Variants in CTNNA3 observed in about 807,000 individuals in gnomAD.
CTNNA3 encodes the protein catenin alpha 3.
Under a neutral mutation model 95.7 loss-of-function variants are expected in CTNNA3, and 76 were observed. That is an observed-to-expected ratio of 0.79 (90% CI 0.66 to 0.96). The LOEUF (loss-of-function observed/expected upper bound fraction) is 0.96, where lower values mean the gene tolerates loss of function less well. Among genes scored for constraint, CTNNA3 ranks in the 40% least tolerant of loss-of-function variants. The pLI, the probability that CTNNA3 is intolerant of heterozygous loss-of-function variation, is 0.00. For synonymous variants in CTNNA3, 431 were observed against 374.4 expected (o/e 1.15, Z -1.74); for missense variants, 1,191 against 1,089.8 (o/e 1.09, Z -1.31).
chr10:67,230,644 A>G (rs1865147621), intron 5 of CTNNA3, among the ~76,000 whole-genome samples: 1 of 152,220 alleles, frequency 6.6e-6, no homozygotes, highest in Admixed American at 6.5e-5. Context: ...ATGAATAGAC[A>G]ATGCTCAAAA....
intron 12 of CTNNA3, among the ~76,000 whole-genome samples, chr10:66,333,236 T>A (rs1352499061): frequency 6.6e-6 from 1 of 152,130 alleles, no homozygotes; most frequent in Non-Finnish European, 1.5e-5. Flanking sequence ...ACTTCAGTTC[T>A]GCTCTGATCT....
At chr10:66,360,763 CCTTCCT>C (rs2092659368) in intron 12 of CTNNA3, among the ~76,000 whole-genome samples, 2 of 94,086 alleles carry the variant, frequency 2.1e-5, no homozygotes, top group Non-Finnish European at 2.1e-5. Flanking sequence ...TTCCTTCCTT[CCTTCCT>C]TTTCTTTCTT....
At chr10:66,012,941 C>G (rs2079032203) in intron 15 of CTNNA3, among the ~76,000 whole-genome samples, 1 of 152,158 alleles carries the variant, frequency 6.6e-6, no homozygotes, top group Non-Finnish European at 1.5e-5. Flanking sequence ...GCTCTTGTCA[C>G]CCAGGCTGGA....
intron 5 of CTNNA3, among the ~76,000 whole-genome samples, chr10:67,399,938 C>T (rs1040443968): frequency 4.3e-4 from 65 of 152,014 alleles, no homozygotes; most frequent in African/African-American, 1.5e-3. Flanking sequence ...TTTTATTATA[C>T]TTTAAGTTTT....
intron 1 of CTNNA3, among the ~76,000 whole-genome samples, chr10:67,733,856 G>A (rs567097092): frequency 3.3e-5 from 5 of 152,252 alleles, no homozygotes; most frequent in Non-Finnish European, 7.4e-5. Context: ...GTGGCTTTAA[G>A]AGATTAAAAA....
At chr10:67,667,852 T>C (rs1012992416) in intron 1 of CTNNA3, among the ~76,000 whole-genome samples, 6 of 152,316 alleles carry the variant, frequency 3.9e-5, no homozygotes, top group Non-Finnish European at 7.4e-5. Context: ...ACAGATACAT[T>C]CGCTGTAATA....
At chr10:67,152,867 A>G (rs12255870) in intron 7 of CTNNA3, among the ~76,000 whole-genome samples, 96,137 of 152,008 alleles carry the variant, frequency 0.63, 31,608 homozygotes, top group African/African-American at 0.82. Context: ...CTTATATGAG[A>G]AAGAGAATGA....
At chr10:67,546,174 C>G (rs1432147551) in intron 3 of CTNNA3, among the ~76,000 whole-genome samples, 1 of 151,964 alleles carries the variant, frequency 6.6e-6, no homozygotes, top group Non-Finnish European at 1.5e-5. Context: ...CACTTTGTCA[C>G]CTAGGCTGGA....
chr10:66,589,225 G>C (rs1843465260), intron 10 of CTNNA3, among the ~76,000 whole-genome samples: 1 of 151,828 alleles, frequency 6.6e-6, no homozygotes, highest in African/African-American at 2.4e-5. Context: ...ATCACATCCA[G>C]AGAGAGGGGG....
chr10:66,540,839 T>C (rs980821186), intron 10 of CTNNA3, among the ~76,000 whole-genome samples: 5 of 152,234 alleles, frequency 3.3e-5, no homozygotes, highest in African/African-American at 9.6e-5. Flanking sequence ...TTACAGAGCT[T>C]TCAAGACTGT....
chr10:67,058,341 T>C (rs1855562742), intron 7 of CTNNA3, among the ~76,000 whole-genome samples: 1 of 152,216 alleles, frequency 6.6e-6, no homozygotes, highest in African/African-American at 2.4e-5. Flanking sequence ...TAACATATTG[T>C]TTTATGTATT....
chr10:67,265,920 G>A (rs1184165400), intron 5 of CTNNA3, among the ~76,000 whole-genome samples: 2 of 152,020 alleles, frequency 1.3e-5, no homozygotes, highest in African/African-American at 4.8e-5. Flanking sequence ...TAACACCCCG[G>A]AGATTCCAAA....
chr10:66,667,512 T>C (rs1564606230), intron 9 of CTNNA3, among the ~76,000 whole-genome samples: 1 of 152,296 alleles, frequency 6.6e-6, no homozygotes, highest in Non-Finnish European at 1.5e-5. Flanking sequence ...TTACTAACTG[T>C]ACATTTCCTT....
intron 13 of CTNNA3, among the ~76,000 whole-genome samples, chr10:66,163,319 A>G (rs1354100846): frequency 6.6e-6 from 1 of 150,998 alleles, no homozygotes; most frequent in African/African-American, 2.4e-5. Flanking sequence ...CCACCCTCCC[A>G]ATGGATCTCT....
chr10:66,816,566 A>C (rs1468789005), intron 7 of CTNNA3, among the ~76,000 whole-genome samples: 1 of 152,142 alleles, frequency 6.6e-6, no homozygotes, highest in East Asian at 1.9e-4. Flanking sequence ...TAGAAATTTC[A>C]ACAATACCAG....
intron 7 of CTNNA3, among the ~76,000 whole-genome samples, chr10:66,779,030 C>T (rs1391530838): frequency 6.6e-6 from 1 of 151,882 alleles, no homozygotes; most frequent in Non-Finnish European, 1.5e-5. Context: ...AAATAGACAA[C>T]CAAAAAATCC....
At chr10:66,710,540 C>A (rs1245126576) in intron 9 of CTNNA3, among the ~76,000 whole-genome samples, 1 of 151,568 alleles carries the variant, frequency 6.6e-6, no homozygotes, top group African/African-American at 2.4e-5. Flanking sequence ...ATTTCATTAT[C>A]TTTGTGATAA....
chr10:67,373,447 C>G (rs1033646392), intron 5 of CTNNA3, among the ~76,000 whole-genome samples: 5 of 152,068 alleles, frequency 3.3e-5, no homozygotes, highest in African/African-American at 9.7e-5. Context: ...TATATGCACC[C>G]AATACAGGAG....
chr10:66,496,605 T>A (rs1245260313), intron 11 of CTNNA3, among the ~76,000 whole-genome samples: 2 of 152,200 alleles, frequency 1.3e-5, no homozygotes, highest in Non-Finnish European at 2.9e-5. Context: ...AATTATAGCA[T>A]GGTTGCTATT....
Sources: allele counts gnomAD v4.1 joint callset (sites outside exome capture counted in the v4.1 genomes callset), GRCh38; gene constraint gnomAD v4.1.1; transcripts MANE v1.5; gene names NCBI Gene and HGNC (gene_info 2026-07-23, HGNC 2026-07-21).